The following BACE2 variants were observed in gnomAD, a reference collection of about 807,000 sequenced individuals.
The protein encoded by BACE2 is beta-secretase 2.
BACE2 carries 17 observed loss-of-function variants against 46.2 expected under a neutral mutation model. That is an observed-to-expected ratio of 0.37 (90% CI 0.25 to 0.55). The LOEUF is 0.55. Ranked by LOEUF, BACE2 falls within the 20% of genes least tolerant of loss-of-function variation. The pLI is 0.82. For missense variants in BACE2, 595 were observed against 698.1 expected, an observed-to-expected ratio of 0.85 and a Z score of 1.66; for synonymous variants, 277 against 295.9, an observed-to-expected ratio of 0.94 and a Z score of 0.66.
chr21:41,220,733 T>C (rs1986616049), intron 1 of BACE2, among the ~76,000 whole-genome samples: 1 of 150,784 alleles, frequency 6.6e-6, no homozygotes, highest in Admixed American at 6.6e-5. Flanking sequence ...TATATTTTTA[T>C]ATATGTGAGA....
At chr21:41,206,805 A>G (rs1986140511) in intron 1 of BACE2, among the ~76,000 whole-genome samples, 1 of 152,268 alleles carries the variant, frequency 6.6e-6, no homozygotes, top group Admixed American at 6.5e-5. Context: ...TGTATTTACC[A>G]CATTTTAGAA....
rs910114651 is a variant in BACE2, at chr21:41,170,571, T to C, written c.312+1996T>C. ...GACTACTGCATTAGGATTCACTACC[T>C]GCCTGTGTTGCCCTGAAATGTCTCT... On this transcript the variant is annotated intron_variant, in intron 1 of 8. Transcript: ENST00000330333. Among the ~76,000 whole-genome samples, 12 of 152,208 alleles carry C rather than the reference T, an allele frequency of 7.9e-5. No individual in the cohort carries two copies. The East Asian group carries it at 2.3e-3, about 29-fold the overall frequency.
intron 1 of BACE2, among the ~76,000 whole-genome samples, chr21:41,211,926 C>G (rs188097605): frequency 1.1e-4 from 16 of 152,232 alleles, no homozygotes; most frequent in African/African-American, 3.1e-4. Context: ...CAGTGGGAGA[C>G]GTCCACAGTC....
chr21:41,199,406 T>C (rs1489319683), intron 1 of BACE2, among the ~76,000 whole-genome samples: 2 of 151,716 alleles, frequency 1.3e-5, no homozygotes, highest in Non-Finnish European at 2.9e-5. Context: ...TGCTCGGGGG[T>C]CTGCAAGATG....
intron 6 of BACE2, among the ~76,000 whole-genome samples, chr21:41,248,765 G>A (rs933336026): frequency 6.6e-6 from 1 of 152,204 alleles, no homozygotes; most frequent in African/African-American, 2.4e-5. Context: ...TACGTGGCAC[G>A]TACCACCCCT....
At chr21:41,169,759 A>G (rs1359132860) in intron 1 of BACE2, among the ~76,000 whole-genome samples, 5 of 152,310 alleles carry the variant, frequency 3.3e-5, no homozygotes, top group Non-Finnish European at 2.9e-5. Context: ...TAGGGGGAAA[A>G]AAAAACCTTC....
At chr21:41,234,102 C>T (rs1230127898) in intron 2 of BACE2, among the ~76,000 whole-genome samples, 1 of 152,064 alleles carries the variant, frequency 6.6e-6, no homozygotes. Flanking sequence ...ATCAAGGGGG[C>T]GGTTTTTCCC....
In BACE2 at chr21:41,280,371, C is replaced by T. The variant is rs1051265319; in HGVS notation, c.*4747C>T. On this transcript the variant is annotated 3_prime_UTR_variant, in exon 9 of 9. Transcript: ENST00000330333. ...CAGCCCATGCATTCCGAACATCCGA[C>T]AGCTTCTTTCTCCAGAATGTCTTCT... is the stretch of plus-strand genomic sequence containing the variant. 7.2e-5 allele frequency: 11 copies of T among 152,332 alleles called. No individual in the cohort carries two copies. Among genetic ancestry groups the T allele is most frequent in the African/African-American group, 2.4e-4 (10 of 41,472 alleles). The allele number at this position is 152,332 out of a possible 1,614,324, so 9.4% of individuals were successfully genotyped here.
intron 3 of BACE2, among the ~76,000 whole-genome samples, chr21:41,241,500 C>T (rs1236894819): frequency 1.3e-5 from 2 of 152,140 alleles, no homozygotes; most frequent in African/African-American, 2.4e-5. Context: ...CCACCTGCCA[C>T]GGTAACCTAC....
chr21:41,179,774 CCA>C (rs542723258), intron 1 of BACE2: 67 of 653,066 alleles, frequency 1.0e-4, no homozygotes, highest in African/African-American at 9.2e-4. Context: ...GTGGAGAAGA[CCA>C]CAGAGACTAT....
At position 41,197,385 on chromosome 21, in the gene BACE2, CT is replaced by C. The variant is rs536233193; in HGVS notation, c.312+28811del. 3.9e-4 allele frequency among the ~76,000 whole-genome samples: 59 copies of C among 151,186 alleles called. No homozygotes were observed. In the South Asian group the frequency reaches 5.6e-3, roughly 14 times the overall value. The stretch of plus-strand genomic sequence containing the variant: ...TGACATTTATGGTGTTAGCAAGTGA[CT>C]GGCAGTGGTATGGTACTTAGTAGAT... On this transcript the variant is annotated intron_variant, in intron 1 of 8. Coordinates refer to ENST00000330333, the MANE Select transcript of BACE2 (RefSeq NM_012105.5).
intron 7 of BACE2, among the ~76,000 whole-genome samples, chr21:41,255,588 C>CATAGGG (rs1281116626): frequency 1.3e-5 from 2 of 152,264 alleles, no homozygotes; most frequent in African/African-American, 2.4e-5. Flanking sequence ...TGCCTGGTTC[C>CATAGGG]CCCTAGATTG....
In BACE2 at chr21:41,168,363, C is replaced by T; in HGVS notation, c.100C>T (p.Arg34Trp). 7.2e-7 allele frequency: 1 copy of T among 1,392,618 alleles called. No individual in the cohort carries two copies. The highest frequency in any genetic ancestry group is 1.6e-5 in the South Asian group (1 of 61,366). 86.3% of individuals were successfully genotyped at this position (1,392,618 alleles called of 1,614,324 possible). A position where few individuals can be genotyped will look rare whatever the true frequency, so the allele number is the denominator to read the frequency against. The change falls in exon 1 of 9, where the codon CGG (arginine) becomes TGG (tryptophan). Residue 34 changes from arginine to tryptophan, a missense_variant. Physicochemically the swap from Arg to Trp is moderately radical, Grantham distance 101. Around this residue, in one of 3 missense-constraint regions of BACE2, gnomAD observed 248 missense variants for 261.4 expected, o/e 0.95. Coordinates refer to ENST00000330333, the MANE Select transcript of BACE2 (RefSeq NM_012105.5). ...CCCCGCGCCCTTCACGCTGCCCCTC[C>T]GGGTGGCCGCGGCCACGAACCGCGT... ...LAPAPFTLPLRVAAATNRVVA... is the reference protein window; with the variant it reads ...LAPAPFTLPLWVAAATNRVVA...
chr21:41,276,567 A>G lies in BACE2; in HGVS notation c.*943A>G, dbSNP rs2088492247. Reference sequence around the variant, plus strand: ...TGCTTACTCTTGCTTAAAATTAATAAATCATGTTTTGATGAGAAAAAACTA... The same window carrying G: ...TGCTTACTCTTGCTTAAAATTAATAGATCATGTTTTGATGAGAAAAAACTA... On this transcript the variant is annotated 3_prime_UTR_variant, in exon 9 of 9. Coordinates refer to ENST00000330333, the MANE Select transcript of BACE2 (RefSeq NM_012105.5). 2 of 152,216 alleles carry G rather than the reference A, an allele frequency of 1.3e-5. No homozygotes were observed. 9.4% of individuals were successfully genotyped at this position (152,216 alleles called of 1,614,324 possible).
intron 8 of BACE2, among the ~76,000 whole-genome samples, chr21:41,263,685 A>G (rs1987996736): frequency 6.6e-6 from 1 of 152,254 alleles, no homozygotes; most frequent in African/African-American, 2.4e-5. Context: ...TGCTGAAGAA[A>G]AGACCCTAGT....
chr21:41,202,509 C>T (rs1309996346), intron 1 of BACE2, among the ~76,000 whole-genome samples: 2 of 152,174 alleles, frequency 1.3e-5, no homozygotes, highest in African/African-American at 2.4e-5. Flanking sequence ...GCCAACTGGA[C>T]GTTTCCTGGG....
At chr21:41,189,633 A>G (rs1985497787) in intron 1 of BACE2, among the ~76,000 whole-genome samples, 1 of 152,112 alleles carries the variant, frequency 6.6e-6, no homozygotes, top group South Asian at 2.1e-4. Context: ...TCACTATCTC[A>G]TGATTATTGG....
At position 41,272,769 on chromosome 21, in the gene BACE2, T is replaced by C. The variant is rs1045754941; in HGVS notation, c.1304-2602T>C. Among the ~76,000 whole-genome samples the C allele has an allele frequency of 3.9e-5, 6 of 152,232 alleles. No individual in the cohort carries two copies. The East Asian group carries it at 1.2e-3, about 29-fold the overall frequency. The stretch of plus-strand genomic sequence containing the variant: ...TTCTATCATCTGTGCCATTTCTTAC[T>C]AAGTTCCAATTGATTGATTTTGCTC... On this transcript the variant is annotated intron_variant, in intron 8 of 8. Coordinates refer to ENST00000330333, the MANE Select transcript of BACE2 (RefSeq NM_012105.5).
chr21:41,176,734 G>C (rs1984860199), intron 1 of BACE2: 1 of 152,176 alleles, frequency 6.6e-6, no homozygotes, highest in South Asian at 2.1e-4. Context: ...CTCATTCTGA[G>C]GCGGTGCTGC....
Sources: gnomAD v4.1 joint callset for allele counts (sites outside exome capture counted in the v4.1 genomes callset) on GRCh38, gnomAD v4.1.1 for gene constraint, gnomAD v4.1.1 regional missense constraint, MANE v1.5 for transcripts, NCBI Gene and HGNC (gene_info 2026-07-23, HGNC 2026-07-21) for gene names.